C12orf42: variants seen among roughly 807,000 people sequenced by gnomAD.
C12orf42 encodes chromosome 12 open reading frame 42.
C12orf42 carries 25 observed loss-of-function variants against 21.6 expected under a neutral mutation model. That is an observed-to-expected ratio of 1.16 (90% CI 0.84 to 1.62). The LOEUF is 1.62. C12orf42 is among the 40% of genes most tolerant of loss of function. C12orf42 has a pLI of 0.00. For missense variants in C12orf42, 483 were observed against 459.3 expected, an observed-to-expected ratio of 1.05 and a Z score of -0.47; for synonymous variants, 174 against 175.0, an observed-to-expected ratio of 0.99 and a Z score of 0.05.
the C12orf42 span, chr12:103,504,833 G>A: frequency 6.4e-6 from 1 of 155,990 alleles, no homozygotes; most frequent in African/African-American, 2.4e-5. Flanking sequence ...CGGAACATCA[G>A]GAACTCAGAG....
downstream of C12orf42, among the ~76,000 whole-genome samples, chr12:103,234,159 T>G (rs1034815772): frequency 3.3e-5 from 5 of 152,224 alleles, no homozygotes; most frequent in South Asian, 1.0e-3. Flanking sequence ...TAAATCCCAC[T>G]TAGTCATGGA....
At chr12:103,067,193 C>T in the C12orf42 span, among the ~76,000 whole-genome samples, 1 of 152,212 alleles carries the variant, frequency 6.6e-6, no homozygotes, top group Non-Finnish European at 1.5e-5. Context: ...GGAATAGACA[C>T]TTACTCCAGA....
At chr12:103,136,556 T>G in the C12orf42 span, among the ~76,000 whole-genome samples, 1,812 of 152,178 alleles carry the variant, frequency 0.012, 32 homozygotes, top group African/African-American at 0.041. Context: ...TACGGAACCA[T>G]AAAATAACCT....
upstream of C12orf42, among the ~76,000 whole-genome samples, chr12:103,496,321 T>C (rs182058937): frequency 4.6e-3 from 706 of 152,244 alleles, 6 homozygotes; most frequent in Non-Finnish European, 4.1e-3. Flanking sequence ...GTAAACCATT[T>C]TGAATAGAGG....
At chr12:103,436,649 CAAA>C (rs1950741974) in intron 2 of C12orf42, among the ~76,000 whole-genome samples, 1 of 151,292 alleles carries the variant, frequency 6.6e-6, no homozygotes, top group African/African-American at 2.4e-5. Flanking sequence ...TCAAAAGAGA[CAAA>C]GAAGGCCATT....
At chr12:103,176,626 G>A in the C12orf42 span, among the ~76,000 whole-genome samples, 2 of 152,056 alleles carry the variant, frequency 1.3e-5, no homozygotes, top group African/African-American at 2.4e-5. Context: ...TTGCAATAAG[G>A]AAACTGAGGC....
chr12:103,283,654 T>C (rs2036268909), intron 4 of C12orf42, among the ~76,000 whole-genome samples: 3 of 152,256 alleles, frequency 2.0e-5, no homozygotes, highest in South Asian at 4.1e-4. Flanking sequence ...TTTCCTTCCT[T>C]TGGGGCCTCT....
intron 4 of C12orf42, among the ~76,000 whole-genome samples, chr12:103,351,662 G>A (rs554309218): frequency 2.6e-5 from 4 of 152,028 alleles, no homozygotes; most frequent in Admixed American, 6.6e-5. Flanking sequence ...AGAAGAAGTC[G>A]GGTAGAACAT....
the C12orf42 span, among the ~76,000 whole-genome samples, chr12:103,556,688 G>T: frequency 2.6e-5 from 4 of 152,266 alleles, no homozygotes; most frequent in East Asian, 7.7e-4. Flanking sequence ...TGTATGGGTT[G>T]AATGGCATCC....
At chr12:103,186,622 GTGAT>G in the C12orf42 span, among the ~76,000 whole-genome samples, 10 of 152,142 alleles carry the variant, frequency 6.6e-5, no homozygotes, top group East Asian at 1.5e-3. Context: ...TACTATGGAT[GTGAT>G]TGATTAATTT....
the C12orf42 span, among the ~76,000 whole-genome samples, chr12:103,101,431 G>A: frequency 6.6e-6 from 1 of 152,108 alleles, no homozygotes; most frequent in Non-Finnish European, 1.5e-5. Flanking sequence ...TAAAAATAAT[G>A]GCAGTAGAGC....
At chr12:103,120,707 CTAT>C in the C12orf42 span, among the ~76,000 whole-genome samples, 1 of 149,584 alleles carries the variant, frequency 6.7e-6, no homozygotes, top group African/African-American at 2.4e-5. Flanking sequence ...ATTATTATTA[CTAT>C]AATATCTGTT....
At chr12:103,483,490 G>C (rs999490892) in intron 1 of C12orf42, among the ~76,000 whole-genome samples, 2 of 151,840 alleles carry the variant, frequency 1.3e-5, no homozygotes, top group Non-Finnish European at 2.9e-5. Context: ...TTTTTTTTCA[G>C]ACCCTCAAAA....
the C12orf42 span, among the ~76,000 whole-genome samples, chr12:103,120,359 G>A: frequency 4.6e-5 from 7 of 152,184 alleles, no homozygotes; most frequent in South Asian, 4.1e-4. Flanking sequence ...TCAATCTAAA[G>A]AGCAGATTTG....
rs1555271889 is a variant in C12orf42 at position 103,368,317 on chromosome 12, T to TCTCACACA, written c.259+569_259+570insTGTGTGAG. Among the ~76,000 whole-genome samples, 70 of 146,620 alleles carry TCTCACACA rather than the reference T, an allele frequency of 4.8e-4. 2 individuals carry two copies. The highest frequency in any genetic ancestry group is 1.2e-3 in the African/African-American group (48 of 38,988). On this transcript the variant is annotated intron_variant, in intron 4 of 5. Transcript: ENST00000548883. ...TTCTCTCTCTTTCTGTCTCTCTCTC[T>TCTCACACA]CACACACACACACACACACACACAC...
chr12:103,546,374 G>T, the C12orf42 span, among the ~76,000 whole-genome samples: 1 of 152,116 alleles, frequency 6.6e-6, no homozygotes, highest in Non-Finnish European at 1.5e-5. Context: ...AAGGATCCAG[G>T]GCACATCTTC....
intron 4 of C12orf42, among the ~76,000 whole-genome samples, chr12:103,309,631 A>T (rs973518781): frequency 6.6e-6 from 1 of 152,206 alleles, no homozygotes; most frequent in South Asian, 2.1e-4. Context: ...CTCAAAAAAA[A>T]AAAGTGTCCA....
chr12:103,552,657 A>G, the C12orf42 span, among the ~76,000 whole-genome samples: 1 of 152,184 alleles, frequency 6.6e-6, no homozygotes, highest in Non-Finnish European at 1.5e-5. Flanking sequence ...TTACACCCTC[A>G]CAAATGTCAC....
At chr12:103,166,075 G>C in the C12orf42 span, among the ~76,000 whole-genome samples, 1 of 141,316 alleles carries the variant, frequency 7.1e-6, no homozygotes, top group African/African-American at 2.7e-5. Flanking sequence ...GAGAGAGAGA[G>C]AGAAGGAAGG....
Sources: allele counts gnomAD v4.1 joint callset (sites outside exome capture counted in the v4.1 genomes callset), GRCh38; gene constraint gnomAD v4.1.1; transcripts MANE v1.5; gene names NCBI Gene and HGNC (gene_info 2026-07-23, HGNC 2026-07-21).